The following MRTFB variants were observed in gnomAD, a reference collection of about 807,000 sequenced individuals.
MRTFB encodes myocardin-related transcription factor B.
In MRTFB, 29 loss-of-function variants were observed where a neutral mutation model predicts 104.2. The observed-to-expected ratio is 0.28, with a 90% CI of 0.21 to 0.38. The LOEUF is 0.38. MRTFB is among the 10% of genes least tolerant of loss of function. The pLI, the probability that MRTFB is intolerant of heterozygous loss-of-function variation, is 1.00. For synonymous variants in MRTFB, 535 were observed against 519.5 expected (o/e 1.03, Z -0.41); for missense variants, 1,270 against 1,341.6 (o/e 0.95, Z 0.83).
intron 2 of MRTFB, among the ~76,000 whole-genome samples, chr16:14,122,331 A>G (rs537100883): frequency 1.3e-5 from 2 of 151,880 alleles, no homozygotes; most frequent in Admixed American, 1.3e-4. Context: ...CATGTGTAGA[A>G]TATGCAGTTT....
In MRTFB at chr16:14,200,545, C is replaced by A. The variant is rs945291933; in HGVS notation, c.155-9698C>A. On this transcript the variant is annotated intron_variant, in intron 3 of 16. Coordinates refer to ENST00000571589, the MANE Select transcript of MRTFB (RefSeq NM_001308142.2). ...AATTGCTCAGCAGCAGCTTTATTACCTGTATGGTAACAATTATCTTGTTGT... is the reference window on the plus strand; with the variant it reads ...AATTGCTCAGCAGCAGCTTTATTACATGTATGGTAACAATTATCTTGTTGT... 1.1e-5 allele frequency: 17 copies of A among 1,607,118 alleles called. 1 individual carries two copies. In the Admixed American group the frequency reaches 2.8e-4, roughly 27 times the overall value.
At chr16:14,047,160 G>A in the MRTFB span, among the ~76,000 whole-genome samples, 1 of 152,176 alleles carries the variant, frequency 6.6e-6, no homozygotes, top group Admixed American at 6.5e-5. Flanking sequence ...TGTCAATTAG[G>A]GATGCTTTTG....
chr16:14,079,751 G>GTT (rs147284574), intron 2 of MRTFB, among the ~76,000 whole-genome samples: 6 of 150,324 alleles, frequency 4.0e-5, no homozygotes, highest in South Asian at 2.1e-4. Flanking sequence ...AAAATTTTGG[G>GTT]TTTTTTTTTA....
At chr16:14,146,308 G>C (rs1351217179) in intron 3 of MRTFB, among the ~76,000 whole-genome samples, 1 of 152,108 alleles carries the variant, frequency 6.6e-6, no homozygotes, top group East Asian at 1.9e-4. Flanking sequence ...TAGTCAGTGT[G>C]TTTTAGGCCT....
At chr16:14,082,130 A>G (rs1258058673) in intron 2 of MRTFB, among the ~76,000 whole-genome samples, 1 of 152,188 alleles carries the variant, frequency 6.6e-6, no homozygotes, top group African/African-American at 2.4e-5. Context: ...AATGTCATGG[A>G]ACTTTTCCTC....
At chr16:14,131,778 T>TA (rs11410431) in intron 2 of MRTFB, among the ~76,000 whole-genome samples, 31,267 of 147,278 alleles carry the variant, frequency 0.21, 5,710 homozygotes, top group African/African-American at 0.49. Context: ...AACTATAATT[T>TA]AAAAAAAAAA....
At chr16:14,061,126 A>T in the MRTFB span, among the ~76,000 whole-genome samples, 1 of 152,074 alleles carries the variant, frequency 6.6e-6, no homozygotes, top group Admixed American at 6.5e-5. Flanking sequence ...AGCCTGGGCG[A>T]CAGCGCAAGA....
chr16:14,142,194 T>A (rs1489513242), intron 3 of MRTFB: 1 of 151,956 alleles, frequency 6.6e-6, no homozygotes, highest in Non-Finnish European at 1.5e-5. Flanking sequence ...ACCTTCAGGA[T>A]GCTGTGGTTA....
chr16:14,031,271 G>C, the MRTFB span, among the ~76,000 whole-genome samples: 25 of 152,092 alleles, frequency 1.6e-4, no homozygotes, highest in African/African-American at 5.8e-4. Flanking sequence ...CATGTCTGTA[G>C]TCCCAGCTGC....
At chr16:14,022,130 A>G in the MRTFB span, among the ~76,000 whole-genome samples, 25 of 152,306 alleles carry the variant, frequency 1.6e-4, no homozygotes, top group African/African-American at 5.8e-4. Context: ...TTTTAATCAC[A>G]CCTGCAAAAT....
At chr16:14,241,765 G>GTCATCTCTCTTC (rs1467791024) in intron 10 of MRTFB, among the ~76,000 whole-genome samples, 2 of 152,090 alleles carry the variant, frequency 1.3e-5, no homozygotes, top group East Asian at 3.9e-4. Context: ...AGGGCATGGA[G>GTCATCTCTCTTC]ATGAAGAGAG....
At chr16:14,241,411 A>T (rs2042762382) in intron 10 of MRTFB, 2 of 152,242 alleles carry the variant, frequency 1.3e-5, no homozygotes, top group South Asian at 4.1e-4. Flanking sequence ...TTACGTAATA[A>T]AGAAAATTTC....
intron 15 of MRTFB, among the ~76,000 whole-genome samples, chr16:14,256,207 AAC>A (rs1491178386): frequency 5.9e-5 from 9 of 151,620 alleles, no homozygotes; most frequent in African/African-American, 2.2e-4. Context: ...AAAAAAAAAA[AAC>A]CCCAGATGGG....
intron 2 of MRTFB, among the ~76,000 whole-genome samples, chr16:14,089,410 G>A (rs2034918206): frequency 6.6e-6 from 1 of 152,146 alleles, no homozygotes; most frequent in African/African-American, 2.4e-5. Context: ...AAAAATATGT[G>A]ACCTTTTGTG....
At position 14,077,467 on chromosome 16, in the gene MRTFB, G is replaced by A. The variant is rs556073215; in HGVS notation, c.-128-1823G>A. Among the ~76,000 whole-genome samples the A allele has an allele frequency of 1.2e-4, 17 of 146,966 alleles. No homozygotes were observed. In the South Asian group the frequency reaches 3.0e-3, roughly 26 times the overall value. ...CTATTCATATAGCAGTACTACATTG[G>A]TTTTATAAAATGTTTTAATATCTTT... On this transcript the variant is annotated intron_variant, in intron 1 of 16. Transcript: ENST00000571589.
chr16:14,044,145 T>TTCAG, the MRTFB span, among the ~76,000 whole-genome samples: 289 of 152,300 alleles, frequency 1.9e-3, no homozygotes, highest in African/African-American at 5.8e-3. Flanking sequence ...CATTCATTCA[T>TTCAG]TCAGTCAGTC....
At chr16:14,244,285 G>T (rs914428011) in intron 10 of MRTFB, among the ~76,000 whole-genome samples, 4 of 152,152 alleles carry the variant, frequency 2.6e-5, no homozygotes, top group Non-Finnish European at 5.9e-5. Flanking sequence ...TAGCCATCCA[G>T]CTTACTCTTG....
intron 8 of MRTFB, among the ~76,000 whole-genome samples, chr16:14,232,915 G>A (rs1381942652): frequency 2.0e-5 from 3 of 152,190 alleles, no homozygotes; most frequent in African/African-American, 7.2e-5. Flanking sequence ...TTGGTGTAGT[G>A]AATTTAAGAG....
intron 2 of MRTFB, among the ~76,000 whole-genome samples, chr16:14,108,431 A>G (rs1262467774): frequency 6.6e-6 from 1 of 152,306 alleles, no homozygotes; most frequent in South Asian, 2.1e-4. Flanking sequence ...ACATTTCTAA[A>G]TGCATAGTGG....
Sources: allele counts gnomAD v4.1 joint callset (sites outside exome capture counted in the v4.1 genomes callset), GRCh38; gene constraint gnomAD v4.1.1; transcripts MANE v1.5; gene names NCBI Gene and HGNC (gene_info 2026-07-23, HGNC 2026-07-21).